APOLD1: variants seen among roughly 807,000 people sequenced by gnomAD.
APOLD1 encodes the protein apolipoprotein L domain-containing protein 1.
Under a neutral mutation model 15.3 loss-of-function variants are expected in APOLD1, and 22 were observed. The observed-to-expected ratio is 1.44, with a 90% confidence interval of 1.03 to 2.05. The LOEUF is 2.05. Ranked by LOEUF, APOLD1 falls within the 30% of genes most tolerant of loss-of-function variation. The probability of loss-of-function intolerance (pLI) is 0.00; values close to 1 mark genes in which losing one functional copy is unlikely to be tolerated. For synonymous variants in APOLD1, 190 were observed against 167.4 expected, an observed-to-expected ratio of 1.13 and a Z score of -1.04; for missense variants, 394 against 353.5, an observed-to-expected ratio of 1.11 and a Z score of -0.92.
At chr12:12,727,670 A>T (rs948077028) in intron 1 of APOLD1, among the ~76,000 whole-genome samples, 1 of 150,480 alleles carries the variant, frequency 6.6e-6, no homozygotes, top group African/African-American at 2.4e-5. Context: ...TGGTGTGGTC[A>T]TGTCTCACTG....
At chr12:12,726,067 C>G in exon 1 of APOLD1, 1 of 1,490,218 alleles carries the variant, frequency 6.7e-7, no homozygotes, top group Non-Finnish European at 9.0e-7. Flanking sequence ...AGGAGCCTGG[C>G]GAGGATGCAC....
At chr12:12,752,344 T>C (rs1946818732) in intron 1 of APOLD1, among the ~76,000 whole-genome samples, 1 of 152,216 alleles carries the variant, frequency 6.6e-6, no homozygotes. Flanking sequence ...TGATGAGATG[T>C]GCCCCACTCA....
chr12:12,756,274 C>T (rs1377625027), intron 1 of APOLD1, among the ~76,000 whole-genome samples: 1 of 152,126 alleles, frequency 6.6e-6, no homozygotes, highest in Non-Finnish European at 1.5e-5. Flanking sequence ...AGTTCTTTTT[C>T]GAGAATAGCT....
At position 12,771,469 on chromosome 12, in the gene APOLD1, A is replaced by G. The variant is rs1208893203; in HGVS notation, c.97-15440A>G. 6.3e-6 allele frequency: 3 copies of G among 478,154 alleles called. 1 individual carries two copies. The highest frequency in any genetic ancestry group is 5.6e-5 in the East Asian group (1 of 17,716). The allele number at this position is 478,154 out of a possible 1,614,324, so 29.6% of individuals were successfully genotyped here. ...ATGTTCAAATGCCTGGTTTCAGTGC[A>G]AAGTTTTTCATCTGTGTTTTCCAGC... On this transcript the variant is annotated intron_variant, in intron 1 of 1. Transcript: ENST00000326765.
chr12:12,758,040 C>T (rs1946869683), intron 1 of APOLD1, among the ~76,000 whole-genome samples: 1 of 149,830 alleles, frequency 6.7e-6, no homozygotes, highest in African/African-American at 2.5e-5. Flanking sequence ...ATTCTCCTGC[C>T]TCAGCCTCCC....
Position 12,787,628 on chromosome 12 carries a change from C to T in APOLD1, c.723C>T (p.Asp241=), listed in dbSNP as rs774677908. The T allele has an allele frequency of 1.2e-6, 2 of 1,604,498 alleles. No homozygotes were observed. The highest frequency in any genetic ancestry group is 1.7e-6 in the Non-Finnish European group (2 of 1,178,004). ...GCCACGACCTCAAGATCTCTGCTGACCAGCGTGCAGGGCTGTTTTTCTGAG... is the reference window on the plus strand; with the variant it reads ...GCCACGACCTCAAGATCTCTGCTGATCAGCGTGCAGGGCTGTTTTTCTGAG... The part of the protein sequence containing the change: ...SRGHDLKISA[D]QRAGLFF The change falls in exon 2 of 2, where the codon GAC becomes GAT. Residue 241 remains aspartate, a synonymous_variant. Coordinates refer to ENST00000356591, the MANE Select transcript of APOLD1 (RefSeq NM_030817.3). The surrounding 1 kb of genome is among the most constrained non-coding windows in gnomAD (Gnocchi z 4.9).
At chr12:12,772,503 C>T (rs187994241) in intron 1 of APOLD1, among the ~76,000 whole-genome samples, 86 of 152,318 alleles carry the variant, frequency 5.6e-4, no homozygotes, top group African/African-American at 1.9e-3. Flanking sequence ...ACTGACAGAA[C>T]TGGAAGGATA....
chr12:12,726,465 ATTCT>A (rs1445624782), intron 1 of APOLD1: 1 of 286,416 alleles, frequency 3.5e-6, no homozygotes, highest in Non-Finnish European at 7.0e-6. Flanking sequence ...TGGAAATGAC[ATTCT>A]TTATGAATTA....
intron 1 of APOLD1, among the ~76,000 whole-genome samples, chr12:12,766,475 A>G (rs1946943246): frequency 6.6e-6 from 1 of 152,238 alleles, no homozygotes; most frequent in Non-Finnish European, 1.5e-5. Flanking sequence ...TCACTTTTGC[A>G]TTGCCCCACA....
chr12:12,787,186 T>A lies in APOLD1; in HGVS notation c.281T>A (p.Val94Glu). The change falls in exon 2 of 2, where the codon GTG becomes GAG. Residue 94 changes from valine to glutamate, a missense_variant. Val to Glu is a moderately radical substitution (Grantham distance 121, BLOSUM62 -2). Coordinates refer to ENST00000356591, the MANE Select transcript of APOLD1 (RefSeq NM_030817.3). The surrounding 1 kb of genome is among the most constrained non-coding windows in gnomAD (Gnocchi z 4.9). Reference sequence around the variant, plus strand: ...CTGGTGTCGGCCGTGGGGCTGGGGGTGGCCACAGCCGGAGGGGCCGTCACC... The same window carrying A: ...CTGGTGTCGGCCGTGGGGCTGGGGGAGGCCACAGCCGGAGGGGCCGTCACC... ...SLLVSAVGLG[V>E]ATAGGAVTIT... 6.5e-7 allele frequency: 1 copy of A among 1,540,340 alleles called. No homozygotes were observed. Among genetic ancestry groups the A allele is most frequent in the Non-Finnish European group, 8.7e-7 (1 of 1,152,600 alleles).
Position 12,787,090 on chromosome 12 carries a change from T to G in APOLD1, c.185T>G (p.Leu62Arg). The change falls in exon 2 of 2, where the codon CTG becomes CGG. Residue 62 changes from leucine to arginine, a missense_variant. Coordinates refer to ENST00000356591, the MANE Select transcript of APOLD1 (RefSeq NM_030817.3). The surrounding 1 kb of genome is among the most constrained non-coding windows in gnomAD (Gnocchi z 4.9). ...GTAGCCAACGTGGCCGGCAGCTCGC[T>G]GAGCGCAACGGGCGCCCTCGCCGCC... is the stretch of plus-strand genomic sequence containing the variant. ...SLVANVAGSS[L>R]SATGALAAIV... 1 of 1,402,520 alleles carries G rather than the reference T, an allele frequency of 7.1e-7. No individual in the cohort carries two copies. The highest frequency in any genetic ancestry group is 9.2e-7 in the Non-Finnish European group (1 of 1,089,228). 86.9% of individuals were successfully genotyped at this position (1,402,520 alleles called of 1,614,324 possible).
At chr12:12,746,522 AATACATAC>A (rs547765144) in intron 1 of APOLD1, among the ~76,000 whole-genome samples, 10 of 144,044 alleles carry the variant, frequency 6.9e-5, no homozygotes, top group African/African-American at 2.5e-4. Context: ...TAAATACATA[AATACATAC>A]ATACATATTG....
intron 1 of APOLD1, among the ~76,000 whole-genome samples, chr12:12,737,853 C>T: frequency 6.6e-6 from 1 of 152,126 alleles, no homozygotes; most frequent in Non-Finnish European, 1.5e-5. Flanking sequence ...TCAGTGAATG[C>T]TTCAGAATAT....
At chr12:12,731,718 TA>T (rs2136367874) in intron 1 of APOLD1, among the ~76,000 whole-genome samples, 1 of 152,198 alleles carries the variant, frequency 6.6e-6, no homozygotes, top group East Asian at 1.9e-4. Context: ...ACAGAATATA[TA>T]AATATAGGGA....
chr12:12,774,685 A>T (rs1385676741), intron 1 of APOLD1, among the ~76,000 whole-genome samples: 2 of 152,102 alleles, frequency 1.3e-5, no homozygotes, highest in African/African-American at 2.4e-5. Flanking sequence ...GGTGGTAAAT[A>T]AATATATGAA....
At chr12:12,756,241 C>T (rs931218231) in intron 1 of APOLD1, among the ~76,000 whole-genome samples, 26 of 152,200 alleles carry the variant, frequency 1.7e-4, no homozygotes, top group African/African-American at 6.0e-4. Context: ...TGCCAGCAAT[C>T]GATTTTTCCA....
At chr12:12,726,089 T>G (rs1592285029) in exon 1 of APOLD1, 1 of 1,510,676 alleles carries the variant, frequency 6.6e-7, no homozygotes. Flanking sequence ...TTCCCCTGCC[T>G]TGGAAAGGTA....
chr12:12,729,618 T>C (rs1018049163), intron 1 of APOLD1, among the ~76,000 whole-genome samples: 3 of 151,902 alleles, frequency 2.0e-5, no homozygotes, highest in Admixed American at 6.6e-5. Flanking sequence ...GCAAGACCTG[T>C]TTCTAAAAAA....
chr12:12,772,226 C>G (rs2136392703), intron 1 of APOLD1, among the ~76,000 whole-genome samples: 1 of 152,212 alleles, frequency 6.6e-6, no homozygotes, highest in East Asian at 1.9e-4. Flanking sequence ...AAAAACAAGA[C>G]CCAACTATAT....
Sources: gnomAD v4.1 joint callset for allele counts (sites outside exome capture counted in the v4.1 genomes callset) on GRCh38, gnomAD v4.1.1 for gene constraint, Gnocchi (gnomAD v3.1) non-coding constraint, MANE v1.5 for transcripts, NCBI Gene and HGNC (gene_info 2026-07-23, HGNC 2026-07-21) for gene names.